ANO2: variants seen among roughly 807,000 people sequenced by gnomAD.
ANO2 encodes the protein anoctamin-2.
A neutral mutation model predicts 124.2 loss-of-function variants in ANO2; 101 were observed. The observed-to-expected ratio is 0.81, with a 90% CI of 0.69 to 0.96. ANO2 has a LOEUF of 0.96. Ranked by LOEUF, ANO2 falls within the 40% of genes least tolerant of loss-of-function variation. The pLI, the probability that ANO2 is intolerant of heterozygous loss-of-function variation, is 0.00. For missense variants in ANO2, 1,293 were observed against 1,274.5 expected, an observed-to-expected ratio of 1.01 and a Z score of -0.22; for synonymous variants, 486 against 482.5, an observed-to-expected ratio of 1.01 and a Z score of -0.09.
intron 10 of ANO2, among the ~76,000 whole-genome samples, chr12:5,777,293 AAGCAGTATGCC>A (rs1302136067): frequency 6.6e-6 from 1 of 152,200 alleles, no homozygotes; most frequent in Non-Finnish European, 1.5e-5. Context: ...GGGCGGCAAA[AAGCAGTATGCC>A]TCATTGAGCT....
At chr12:5,627,279 G>A (rs1029930644) in intron 16 of ANO2, among the ~76,000 whole-genome samples, 1 of 152,172 alleles carries the variant, frequency 6.6e-6, no homozygotes, top group African/African-American at 2.4e-5. Context: ...ACCCTGGGAG[G>A]TTCTTTCTCC....
rs1938350444 is a variant in ANO2 at position 5,879,664 on chromosome 12, T to A, written c.535-25523A>T. ...CAATGCTTGAGCTAAGACCAACATA[T>A]TAAGAGAAGAAAGAGCATTTCAGAT... is the stretch of plus-strand genomic sequence containing the variant. On this transcript the variant is annotated intron_variant, in intron 3 of 24. Transcript: ENST00000682330. Among the ~76,000 whole-genome samples the A allele has an allele frequency of 2.0e-5, 3 of 152,218 alleles. No individual in the cohort carries two copies. The South Asian group carries it at 6.2e-4, about 32-fold the overall frequency.
chr12:5,921,238 C>T lies in ANO2; in HGVS notation c.336G>A (p.Val112=), dbSNP rs373062615. 34 of 1,613,844 alleles carry T rather than the reference C, an allele frequency of 2.1e-5. No homozygotes were observed. The African/African-American group carries it at 2.7e-4, about 13-fold the overall frequency. Residue 112 remains valine, a synonymous_variant, in exon 3 of 25, where the codon GTG becomes GTA. Transcript: ENST00000682330. The part of the protein sequence containing the change: ...VLAYHYRKRG[V]HLAQGFPGHS... The stretch of plus-strand genomic sequence containing the variant: ...GGCCAGGGAAGCCTTGGGCCAGGTG[C>T]ACCCCGCGTTTCCGGTAGTGGTAGG...
chr12:5,687,930 G>C (rs1234638045), intron 14 of ANO2, among the ~76,000 whole-genome samples: 1 of 152,184 alleles, frequency 6.6e-6, no homozygotes, highest in Non-Finnish European at 1.5e-5. Context: ...TCCTGACTTT[G>C]CCTTGACCTT....
At chr12:5,618,585 A>T (rs1002636536) in intron 16 of ANO2, among the ~76,000 whole-genome samples, 12 of 152,200 alleles carry the variant, frequency 7.9e-5, no homozygotes, top group African/African-American at 2.9e-4. Context: ...CCTCAAAAAA[A>T]CTAGTTTTTA....
At chr12:5,671,778 T>C (rs901845578) in intron 14 of ANO2, among the ~76,000 whole-genome samples, 2 of 152,226 alleles carry the variant, frequency 1.3e-5, no homozygotes, top group African/African-American at 4.8e-5. Context: ...TTCTTTATGA[T>C]GACCATATTT....
At chr12:5,619,510 TC>T in intron 16 of ANO2, among the ~76,000 whole-genome samples, 1 of 152,148 alleles carries the variant, frequency 6.6e-6, no homozygotes, top group South Asian at 2.1e-4. Flanking sequence ...TCACACGCAT[TC>T]CCTCCTCCTG....
intron 14 of ANO2, among the ~76,000 whole-genome samples, chr12:5,726,178 C>T (rs1410958875): frequency 3.3e-5 from 5 of 151,850 alleles, no homozygotes; most frequent in Non-Finnish European, 7.4e-5. Context: ...TTAAAAGTTC[C>T]GGACTCAGTA....
chr12:5,756,455 A>T (rs1212716962), intron 10 of ANO2, among the ~76,000 whole-genome samples: 1 of 152,102 alleles, frequency 6.6e-6, no homozygotes, highest in East Asian at 1.9e-4. Context: ...GTGTCTGTGT[A>T]TTTGAGAAGT....
intron 1 of ANO2, among the ~76,000 whole-genome samples, chr12:5,928,146 G>A (rs1486539218): frequency 6.7e-6 from 1 of 148,642 alleles, no homozygotes; most frequent in Non-Finnish European, 1.5e-5. Flanking sequence ...GAGACCAGCA[G>A]CAGGAGGAGG....
At position 5,635,278 on chromosome 12, in the gene ANO2, G is replaced by T. The variant is rs1165571645; in HGVS notation, c.1690C>A (p.Leu564Ile). The T allele has an allele frequency of 1.2e-6, 2 of 1,611,224 alleles. No homozygotes were observed. The highest frequency in any genetic ancestry group is 1.7e-5 in the Admixed American group (1 of 58,946). Residue 564 changes from leucine (L) to isoleucine (I), a missense_variant, in exon 16 of 25, where the codon CTC (leucine) becomes ATC (isoleucine). Leu to Ile is a conservative substitution (Grantham distance 5, BLOSUM62 2). Transcript: ENST00000682330. This position sits in a 1 kb window ranked among gnomAD's most constrained non-coding sequence, Gnocchi z 5.2. ...ACATTGGAGCGTGTAGCCTTATTGA[G>T]AGACAGAGCGGCTGCAGTTGTTATT... ...YRITTAAALS[L>I]NKATRSNVRV...
intron 14 of ANO2, among the ~76,000 whole-genome samples, chr12:5,720,104 G>A (rs1159023763): frequency 1.3e-5 from 2 of 152,148 alleles, no homozygotes; most frequent in Non-Finnish European, 2.9e-5. Flanking sequence ...GATTTGGACA[G>A]TAAGCCCCTT....
At chr12:5,632,716 C>T (rs138327468) in intron 16 of ANO2, among the ~76,000 whole-genome samples, 4 of 152,270 alleles carry the variant, frequency 2.6e-5, no homozygotes, top group African/African-American at 9.6e-5. Flanking sequence ...TCACTAAATA[C>T]TTATTAATGA....
chr12:5,605,616 C>G (rs1257862098), intron 19 of ANO2, among the ~76,000 whole-genome samples: 1 of 152,180 alleles, frequency 6.6e-6, no homozygotes, highest in African/African-American at 2.4e-5. Context: ...TCCAATTTTG[C>G]TTCGATGTGG....
chr12:5,585,448 A>G (rs537729326), intron 20 of ANO2, among the ~76,000 whole-genome samples: 3 of 152,272 alleles, frequency 2.0e-5, no homozygotes, highest in Non-Finnish European at 4.4e-5. Context: ...TCAGTAAGGC[A>G]CATTTGGCTC....
intron 7 of ANO2, among the ~76,000 whole-genome samples, chr12:5,819,812 C>T (rs1056601428): frequency 6.6e-6 from 1 of 151,364 alleles, no homozygotes; most frequent in African/African-American, 2.4e-5. Flanking sequence ...AATTTAAATA[C>T]AATGGGAATA....
intron 10 of ANO2, among the ~76,000 whole-genome samples, chr12:5,765,449 T>C (rs1241848249): frequency 6.6e-6 from 1 of 152,080 alleles, no homozygotes; most frequent in Non-Finnish European, 1.5e-5. Context: ...AAAAAAAAAA[T>C]TGTATAACTG....
chr12:5,670,892 T>G (rs1309887721), intron 14 of ANO2, among the ~76,000 whole-genome samples: 2 of 152,170 alleles, frequency 1.3e-5, no homozygotes, highest in Non-Finnish European at 2.9e-5. Context: ...TGGGTCTCCA[T>G]GGTCTCACTT....
intron 20 of ANO2, among the ~76,000 whole-genome samples, chr12:5,591,762 C>T (rs893540144): frequency 2.0e-5 from 3 of 152,204 alleles, no homozygotes; most frequent in African/African-American, 7.2e-5. Flanking sequence ...CTCCTTCACA[C>T]ATCTCTCTCT....
Sources: allele counts gnomAD v4.1 joint callset (sites outside exome capture counted in the v4.1 genomes callset), GRCh38; gene constraint gnomAD v4.1.1; non-coding constraint Gnocchi (gnomAD v3.1); transcripts MANE v1.5; gene names NCBI Gene and HGNC (gene_info 2026-07-23, HGNC 2026-07-21).